The following CYB5R4 variants were observed in gnomAD, a reference collection of about 807,000 sequenced individuals.
The protein encoded by CYB5R4 is cytochrome b5 reductase 4.
In CYB5R4, 55 loss-of-function variants were observed where a neutral mutation model predicts 70.2. That is an observed-to-expected ratio of 0.78 (90% CI 0.63 to 0.98). The LOEUF (loss-of-function observed/expected upper bound fraction) is 0.98. Among genes scored for constraint, CYB5R4 ranks in the 50% least tolerant of loss-of-function variants. The pLI is 0.00. For missense variants in CYB5R4, 562 were observed against 612.6 expected (o/e 0.92, Z 0.87); for synonymous variants, 197 against 199.5 (o/e 0.99, Z 0.11).
intron 1 of CYB5R4, among the ~76,000 whole-genome samples, chr6:83,862,518 A>G (rs1454589855): frequency 6.6e-6 from 1 of 152,218 alleles, no homozygotes; most frequent in East Asian, 1.9e-4. Context: ...CAACACTACT[A>G]TAAGCAAGTA....
rs190149444 is a variant in CYB5R4, at chr6:83,862,146, A to G, written c.76-2029A>G. On this transcript the variant is annotated intron_variant, in intron 1 of 15. Coordinates refer to ENST00000369681, the MANE Select transcript of CYB5R4 (RefSeq NM_016230.4). ...TTTATAGGATTGTTCATAGGATTCA[A>G]TGAGATAATGTTTCTCTTAGCACAG... Among the ~76,000 whole-genome samples, 209 of 152,344 alleles carry G rather than the reference A, an allele frequency of 1.4e-3. 1 individual carries two copies. The highest frequency in any genetic ancestry group is 2.0e-3 in the Non-Finnish European group (137 of 68,036).
At chr6:83,926,476 G>C (rs2129140880) in intron 10 of CYB5R4, 1 of 152,130 alleles carries the variant, frequency 6.6e-6, no homozygotes, top group South Asian at 2.1e-4. Flanking sequence ...TTAGCTTGTA[G>C]ATGGCCTCCT....
intron 8 of CYB5R4, among the ~76,000 whole-genome samples, chr6:83,922,087 T>C (rs542418248): frequency 1.3e-5 from 2 of 152,134 alleles, no homozygotes; most frequent in East Asian, 3.9e-4. Flanking sequence ...ACTCACACAC[T>C]GGGGCTTGCG....
intron 3 of CYB5R4, among the ~76,000 whole-genome samples, chr6:83,903,791 G>A (rs546153987): frequency 6.6e-6 from 1 of 151,916 alleles, no homozygotes; most frequent in South Asian, 2.1e-4. Flanking sequence ...ATGTTTCCAG[G>A]AATTTATCCA....
rs2099473832 is a variant in CYB5R4, at chr6:83,964,872, G to A, written c.*4994G>A. The stretch of plus-strand genomic sequence containing the variant: ...TTTCCTAGCCACTCCGGCCATGGCT[G>A]AAAGGGGCCAACATGAAGCTCAGGC... On this transcript the variant is annotated 3_prime_UTR_variant, in exon 16 of 16. Coordinates refer to ENST00000369681, the MANE Select transcript of CYB5R4 (RefSeq NM_016230.4). 6.6e-6 allele frequency: 1 copy of A among 152,308 alleles called. No homozygotes were observed. Among genetic ancestry groups the A allele is most frequent in the African/African-American group, 2.4e-5 (1 of 41,456 alleles). The allele number at this position is 152,308 out of a possible 1,614,324, so 9.4% of individuals were successfully genotyped here. A position where few individuals can be genotyped will look rare whatever the true frequency, so the allele number is the denominator to read the frequency against.
chr6:83,914,683 G>A (rs907900409), intron 5 of CYB5R4, among the ~76,000 whole-genome samples: 12 of 151,818 alleles, frequency 7.9e-5, no homozygotes, highest in African/African-American at 2.9e-4. Flanking sequence ...TATTACAGGT[G>A]CACACCACAC....
chr6:83,958,206 G>T (rs2099472733), intron 15 of CYB5R4, among the ~76,000 whole-genome samples: 2 of 152,164 alleles, frequency 1.3e-5, no homozygotes, highest in Middle Eastern at 3.4e-3. Context: ...GCCAATAATG[G>T]TTCTTTATCC....
intron 14 of CYB5R4, among the ~76,000 whole-genome samples, chr6:83,949,097 ACTC>A (rs537305652): frequency 9.1e-4 from 122 of 133,880 alleles, no homozygotes; most frequent in African/African-American, 3.0e-3. Flanking sequence ...ATCCCCATAG[ACTC>A]CTGGCGTTTT....
rs571794454 is a variant in CYB5R4 at position 83,952,072 on chromosome 6, T to C, written c.1347-3226T>C. On this transcript the variant is annotated intron_variant, in intron 14 of 15. Transcript: ENST00000369681. Reference sequence around the variant, plus strand: ...TTAACAGTGATGTTGTTAGTGTCATTATTTTTACACTAGAGTGGATTGGGA... The same window carrying C: ...TTAACAGTGATGTTGTTAGTGTCATCATTTTTACACTAGAGTGGATTGGGA... 2.0e-5 allele frequency among the ~76,000 whole-genome samples: 3 copies of C among 152,256 alleles called. 1 individual carries two copies. The East Asian group carries it at 5.8e-4, about 29-fold the overall frequency.
rs577161741 is a variant in CYB5R4, at chr6:83,961,419, G to A, written c.*1541G>A. 6.6e-6 allele frequency: 1 copy of A among 152,010 alleles called. No homozygotes were observed. The highest frequency in any genetic ancestry group is 1.9e-4 in the East Asian group (1 of 5,156). The allele number at this position is 152,010 out of a possible 1,614,324, so 9.4% of individuals were successfully genotyped here. ...ACATGTCGAGGGAGGGTCTTGGTGGGAGGTGATTGGATCATGGGAGTGATT... is the reference window on the plus strand; with the variant it reads ...ACATGTCGAGGGAGGGTCTTGGTGGAAGGTGATTGGATCATGGGAGTGATT... On this transcript the variant is annotated 3_prime_UTR_variant, in exon 16 of 16. Transcript: ENST00000369681.
At position 83,940,205 on chromosome 6, in the gene CYB5R4, A is replaced by G. The variant is rs1357622254; in HGVS notation, c.1258A>G (p.Arg420Gly). 1 of 1,599,320 alleles carries G rather than the reference A, an allele frequency of 6.3e-7. No homozygotes were observed. Among genetic ancestry groups the G allele is most frequent in the Non-Finnish European group, 8.5e-7 (1 of 1,173,704 alleles). ...NYALTDIPSL[R>G]KVKLMFFNKT... ...TGCTTTGACTGATATACCCAGTCTC[A>G]GGTATGTAATTTTGTCTCTAATTAC... The change falls in exon 13 of 16, where the codon AGG becomes GGG. Residue 420 changes from arginine (R) to glycine (G), a missense_variant and splice_region_variant. Physicochemically the swap from Arg to Gly is moderately radical, Grantham distance 125. Transcript: ENST00000369681.
At position 83,966,872 on chromosome 6, in the gene CYB5R4, T is replaced by A. The variant is rs1210018267; in HGVS notation, c.*6994T>A. The stretch of plus-strand genomic sequence containing the variant: ...TAACAAGAAAAATTGAAATTAATGT[T>A]GAAAGAGCACCAGAGAGTATACATC... On this transcript the variant is annotated 3_prime_UTR_variant, in exon 16 of 16. Transcript: ENST00000369681. 1 of 152,146 alleles carries A rather than the reference T, an allele frequency of 6.6e-6. No homozygotes were observed. 9.4% of individuals were successfully genotyped at this position (152,146 alleles called of 1,614,324 possible).
At chr6:83,871,580 G>A (rs1172491763) in intron 2 of CYB5R4, among the ~76,000 whole-genome samples, 1 of 152,064 alleles carries the variant, frequency 6.6e-6, no homozygotes, top group Non-Finnish European at 1.5e-5. Context: ...CTGTTTGGTT[G>A]ACACAGTGGT....
At chr6:83,941,402 A>G (rs996768379) in intron 14 of CYB5R4, among the ~76,000 whole-genome samples, 1 of 152,242 alleles carries the variant, frequency 6.6e-6, no homozygotes, top group Non-Finnish European at 1.5e-5. Flanking sequence ...TTCTATAATC[A>G]TTAAAAGCTA....
Position 83,917,989 on chromosome 6 carries a change from A to C in CYB5R4, c.446-16A>C. On this transcript the variant is annotated splice_polypyrimidine_tract_variant and intron_variant, in intron 5 of 15. Transcript: ENST00000369681. The stretch of plus-strand genomic sequence containing the variant: ...AATACTTTGTAGATGAACTATAGCT[A>C]TCTTTCTTTGTAAAGGCATGCTTCC... 1 of 1,603,868 alleles carries C rather than the reference A, an allele frequency of 6.2e-7. No homozygotes were observed. Among genetic ancestry groups the C allele is most frequent in the Non-Finnish European group, 8.5e-7 (1 of 1,172,136 alleles).
chr6:83,860,185 C>T (rs2099455712), intron 1 of CYB5R4, among the ~76,000 whole-genome samples: 1 of 152,080 alleles, frequency 6.6e-6, no homozygotes, highest in African/African-American at 2.4e-5. Context: ...CGGTATTAGC[C>T]GCCTTCCCTC....
At chr6:83,897,325 C>A (rs1489949794) in intron 3 of CYB5R4, among the ~76,000 whole-genome samples, 1 of 152,004 alleles carries the variant, frequency 6.6e-6, no homozygotes, top group Non-Finnish European at 1.5e-5. Context: ...GGTTCCAAGT[C>A]TTTGCTGTTG....
intron 14 of CYB5R4, among the ~76,000 whole-genome samples, chr6:83,950,614 C>T (rs2099471375): frequency 6.6e-6 from 1 of 152,084 alleles, no homozygotes; most frequent in South Asian, 2.1e-4. Flanking sequence ...CCTTTTGTTT[C>T]AAATGAGTCG....
intron 15 of CYB5R4, among the ~76,000 whole-genome samples, chr6:83,955,754 A>T (rs2099472333): frequency 6.6e-6 from 1 of 152,186 alleles, no homozygotes; most frequent in Non-Finnish European, 1.5e-5. Context: ...CTTATTTGGG[A>T]CATTAGGCCC....
Sources: gnomAD v4.1 joint callset for allele counts (sites outside exome capture counted in the v4.1 genomes callset) on GRCh38, gnomAD v4.1.1 for gene constraint, MANE v1.5 for transcripts, NCBI Gene and HGNC (gene_info 2026-07-23, HGNC 2026-07-21) for gene names.